The following SIRPD variants were observed in gnomAD, a reference collection of about 807,000 sequenced individuals.
SIRPD encodes the protein signal-regulatory protein delta.
In SIRPD, 21 loss-of-function variants were observed where a neutral mutation model predicts 18.0. The ratio of observed to expected loss-of-function variants is 1.17; its 90% CI spans 0.83 to 1.68. The LOEUF (loss-of-function observed/expected upper bound fraction) is 1.68, where lower values mean the gene tolerates loss of function less well. Among genes scored for constraint, SIRPD ranks in the 40% most tolerant of loss-of-function variants. The pLI is 0.00. For synonymous variants in SIRPD, 106 were observed against 92.9 expected, an observed-to-expected ratio of 1.14 and a Z score of -0.81; for missense variants, 295 against 238.4, an observed-to-expected ratio of 1.24 and a Z score of -1.56.
intron 2 of SIRPD, among the ~76,000 whole-genome samples, chr20:1,538,966 G>A (rs996486724): frequency 9.2e-5 from 14 of 152,158 alleles, no homozygotes; most frequent in African/African-American, 3.4e-4. Flanking sequence ...GTTTTGCTAT[G>A]CAGCAGTAGT....
intron 1 of SIRPD, among the ~76,000 whole-genome samples, chr20:1,555,053 T>C (rs183078837): frequency 1.4e-4 from 21 of 152,230 alleles, no homozygotes; most frequent in Admixed American, 9.8e-4. Flanking sequence ...AGCCAAAATA[T>C]AGAAACAACT....
At chr20:1,540,084 T>C (rs778025025) in intron 2 of SIRPD, 2 of 322,682 alleles carry the variant, frequency 6.2e-6, no homozygotes, top group Non-Finnish European at 1.2e-5. Flanking sequence ...TAATACAGAT[T>C]TGTTAAGAAT....
chr20:1,547,820 A>T (rs562500036), intron 2 of SIRPD, among the ~76,000 whole-genome samples: 3 of 152,194 alleles, frequency 2.0e-5, no homozygotes, highest in African/African-American at 4.8e-5. Flanking sequence ...TTCATTTAAC[A>T]TTTTTTTGTA....
At chr20:1,552,821 A>T (rs2091025350) in intron 1 of SIRPD, among the ~76,000 whole-genome samples, 1 of 152,110 alleles carries the variant, frequency 6.6e-6, no homozygotes, top group Non-Finnish European at 1.5e-5. Flanking sequence ...CAGGGCCAGG[A>T]GGTAATGGTA....
Position 1,557,605 on chromosome 20 carries a change from G to A in SIRPD, c.49C>T (p.Leu17=). The change falls in exon 1 of 4, where the codon CTG becomes TTG. Residue 17 remains leucine, a synonymous_variant. Coordinates refer to ENST00000381623, the MANE Select transcript of SIRPD (RefSeq NM_178460.3). ...PLHPPLPSLL[L]YLLLELAGVT... is the part of the protein sequence containing the mutation. ...CCTGCCAGTTCAAGCAGCAGATACA[G>A]CAGTAAGGAAGGCAGAGGTGGGTGG... The A allele has an allele frequency of 3.8e-6, 6 of 1,599,134 alleles. No homozygotes were observed. Among genetic ancestry groups the A allele is most frequent in the Non-Finnish European group, 5.1e-6 (6 of 1,172,678 alleles).
intron 2 of SIRPD, among the ~76,000 whole-genome samples, chr20:1,547,657 T>C (rs577700864): frequency 1.3e-5 from 2 of 152,330 alleles, no homozygotes; most frequent in East Asian, 3.9e-4. Flanking sequence ...AATGTTAAGA[T>C]CAGCTTGTCA....
intron 3 of SIRPD, among the ~76,000 whole-genome samples, chr20:1,535,128 G>C (rs2090939866): frequency 6.6e-6 from 1 of 152,214 alleles, no homozygotes; most frequent in Non-Finnish European, 1.5e-5. Context: ...GGGATGTATT[G>C]ATGATGTTGC....
intron 2 of SIRPD, among the ~76,000 whole-genome samples, chr20:1,550,112 G>A (rs1216210018): frequency 6.6e-6 from 1 of 152,148 alleles, no homozygotes; most frequent in Non-Finnish European, 1.5e-5. Context: ...GTCTACCTGG[G>A]TTCCAGTACC....
chr20:1,557,511 G>A, intron 1 of SIRPD, 70 bp downstream of exon 1: 1 of 1,327,564 alleles, frequency 7.5e-7, no homozygotes, highest in Non-Finnish European at 1.0e-6. Context: ...TATGGGAACA[G>A]GTGAGGGAGA....
intron 2 of SIRPD, among the ~76,000 whole-genome samples, chr20:1,548,415 T>C (rs1165578781): frequency 1.3e-5 from 2 of 152,192 alleles, no homozygotes; most frequent in African/African-American, 2.4e-5. Context: ...ATTAAATTAA[T>C]TGACATTCAG....
At chr20:1,546,997 A>C (rs1443447624) in intron 2 of SIRPD, among the ~76,000 whole-genome samples, 1 of 152,194 alleles carries the variant, frequency 6.6e-6, no homozygotes, top group African/African-American at 2.4e-5. Flanking sequence ...ATGTCCTTTG[A>C]AGCATAAAAG....
chr20:1,553,106 G>A (rs539448306), intron 1 of SIRPD, among the ~76,000 whole-genome samples: 20 of 152,182 alleles, frequency 1.3e-4, no homozygotes, highest in Non-Finnish European at 2.4e-4. Flanking sequence ...ACAGACCTGG[G>A]AAAGTTCAAG....
chr20:1,541,169 G>A (rs2090969407), intron 2 of SIRPD, among the ~76,000 whole-genome samples: 1 of 152,120 alleles, frequency 6.6e-6, no homozygotes, highest in South Asian at 2.1e-4. Context: ...GGGATTGCTG[G>A]GTCAAATGGT....
chr20:1,552,680 C>T (rs929611687), intron 1 of SIRPD, among the ~76,000 whole-genome samples: 7 of 152,218 alleles, frequency 4.6e-5, no homozygotes, highest in African/African-American at 1.4e-4. Flanking sequence ...CACCCTTTAC[C>T]CTCCTACACA....
chr20:1,551,632 C>A, intron 2 of SIRPD, 59 bp downstream of exon 2: 1 of 1,299,976 alleles, frequency 7.7e-7, no homozygotes, highest in South Asian at 1.4e-5. Flanking sequence ...GAATAGAAGA[C>A]ATAACTGCTG....
intron 2 of SIRPD, among the ~76,000 whole-genome samples, chr20:1,541,228 G>T (rs2123122090): frequency 6.6e-6 from 1 of 152,296 alleles, no homozygotes; most frequent in Admixed American, 6.5e-5. Context: ...CTTCCACAAT[G>T]GTTGAAGTAA....
intron 1 of SIRPD, among the ~76,000 whole-genome samples, chr20:1,556,976 G>A (rs2091043989): frequency 6.6e-6 from 1 of 152,236 alleles, no homozygotes; most frequent in South Asian, 2.1e-4. Flanking sequence ...CCAGGGGCCA[G>A]GTGTGGTGGC....
intron 2 of SIRPD, among the ~76,000 whole-genome samples, chr20:1,550,922 T>C (rs2091016156): frequency 6.6e-6 from 1 of 152,218 alleles, no homozygotes; most frequent in African/African-American, 2.4e-5. Flanking sequence ...TCAGGCTGGA[T>C]ATTGCCCAAA....
chr20:1,552,151 A>G, intron 1 of SIRPD, 113 bp from the exon 2 acceptor site: 4 of 851,138 alleles, frequency 4.7e-6, no homozygotes, highest in Non-Finnish European at 7.2e-6. Flanking sequence ...GCAAATGCCC[A>G]TGCATTGAGT....
Sources: allele counts gnomAD v4.1 joint callset (sites outside exome capture counted in the v4.1 genomes callset), GRCh38; gene constraint gnomAD v4.1.1; transcripts MANE v1.5; gene names NCBI Gene and HGNC (gene_info 2026-07-23, HGNC 2026-07-21).